Variants in MTHFD1L observed in about 807,000 individuals in gnomAD.
MTHFD1L encodes the protein methylenetetrahydrofolate dehydrogenase (NADP+ dependent) 1 like, also known as monofunctional C1-tetrahydrofolate synthase, mitochondrial.
MTHFD1L carries 81 observed loss-of-function variants against 119.5 expected under a neutral mutation model. That is an observed-to-expected ratio of 0.68 (90% CI 0.57 to 0.82). MTHFD1L has a LOEUF of 0.82. Among genes scored for constraint, MTHFD1L ranks in the 40% least tolerant of loss-of-function variants. The pLI is 0.00. For synonymous variants in MTHFD1L, 430 were observed against 475.2 expected (o/e 0.90, Z 1.24); for missense variants, 1,125 against 1,253.4 (o/e 0.90, Z 1.55).
intron 26 of MTHFD1L, chr6:151,055,873 A>G (rs892905562): frequency 1.1e-4 from 16 of 152,220 alleles, no homozygotes; most frequent in Non-Finnish European, 2.2e-4. Context: ...CAGTTACTGT[A>G]AGTAACTCTT....
rs559873909 is a variant in MTHFD1L at position 150,879,631 on chromosome 6, T to G, written c.417+1805T>G. On this transcript the variant is annotated intron_variant, in intron 4 of 27. Coordinates refer to ENST00000367321, the MANE Select transcript of MTHFD1L (RefSeq NM_015440.5). ...GGTTGTTTTGCCACTGGTGTTTTTT[T>G]TTTTTTTTTTTTTTCTGAGACGGAG... is the stretch of plus-strand genomic sequence containing the variant. Among the ~76,000 whole-genome samples the G allele has an allele frequency of 8.1e-5, 12 of 147,696 alleles. No individual in the cohort carries two copies. The East Asian group carries it at 2.0e-3, about 24-fold the overall frequency.
At chr6:151,009,247 T>C (rs905094054) in intron 20 of MTHFD1L, among the ~76,000 whole-genome samples, 1 of 151,200 alleles carries the variant, frequency 6.6e-6, no homozygotes, top group Non-Finnish European at 1.5e-5. Context: ...AAGAAAAGCT[T>C]CACTGGCTGG....
chr6:150,945,300 A>T (rs1239930920), intron 14 of MTHFD1L, among the ~76,000 whole-genome samples, 167 bp from the exon 15 acceptor site: 1 of 152,270 alleles, frequency 6.6e-6, no homozygotes, highest in African/African-American at 2.4e-5. Flanking sequence ...TATGAAAATG[A>T]CAGAATTTAA....
At chr6:150,939,115 C>T in intron 13 of MTHFD1L, 1 of 226,144 alleles carries the variant, frequency 4.4e-6, no homozygotes, top group Non-Finnish European at 9.0e-6. Context: ...CCCTGCTGGC[C>T]TTGCGGGTCT....
At chr6:150,883,499 T>C (rs1054087755) in intron 5 of MTHFD1L, among the ~76,000 whole-genome samples, 4 of 152,226 alleles carry the variant, frequency 2.6e-5, no homozygotes, top group African/African-American at 9.6e-5. Context: ...AATAGTTTTT[T>C]CCTTGGTAAT....
intron 20 of MTHFD1L, among the ~76,000 whole-genome samples, chr6:151,007,330 A>G (rs556436753): frequency 1.3e-4 from 20 of 152,192 alleles, no homozygotes; most frequent in Non-Finnish European, 2.8e-4. Context: ...GCTTCAGGGT[A>G]GTGACCCTAA....
rs11442424 is a variant in MTHFD1L at position 150,907,897 on chromosome 6, AT to A, written c.892+2152del. 4.8e-3 allele frequency among the ~76,000 whole-genome samples: 669 copies of A among 140,768 alleles called. 1 individual carries two copies. Among genetic ancestry groups the A allele is most frequent in the Non-Finnish European group, 5.1e-3 (332 of 64,780 alleles). The allele number at this position is 140,768 out of a possible 152,430, so 92.3% of individuals were successfully genotyped here. On this transcript the variant is annotated intron_variant, in intron 8 of 27. Coordinates refer to ENST00000367321, the MANE Select transcript of MTHFD1L (RefSeq NM_015440.5). ...TGACGCTTAGTAACCGCTCTGTGAA[AT>A]TTTTTTTTTTTTTTTGGAGACAGAG...
At chr6:150,906,413 G>C (rs1339344427) in intron 8 of MTHFD1L, among the ~76,000 whole-genome samples, 1 of 152,222 alleles carries the variant, frequency 6.6e-6, no homozygotes, top group African/African-American at 2.4e-5. Flanking sequence ...GCAGCCCCGG[G>C]TCCAGCAGGA....
chr6:150,935,314 C>T (rs61748005), intron 11 of MTHFD1L: 339,951 of 1,611,894 alleles, frequency 0.21, 37,552 homozygotes, highest in African/African-American at 0.26. Flanking sequence ...CTGAACTTCA[C>T]AAAATAACTA....
chr6:150,922,876 TCA>T (rs1361228928), intron 10 of MTHFD1L, among the ~76,000 whole-genome samples: 3 of 152,176 alleles, frequency 2.0e-5, no homozygotes, highest in Admixed American at 6.5e-5. Flanking sequence ...ACTCCTGACC[TCA>T]GGTGATCTGC....
chr6:151,059,098 C>G (rs1458786036), intron 26 of MTHFD1L, among the ~76,000 whole-genome samples: 1 of 152,222 alleles, frequency 6.6e-6, no homozygotes, highest in Non-Finnish European at 1.5e-5. Context: ...GCCCAAAGTC[C>G]TGCCCTGGCC....
intron 1 of MTHFD1L, among the ~76,000 whole-genome samples, chr6:150,867,545 CA>C (rs1206068824): frequency 1.3e-5 from 2 of 151,924 alleles, no homozygotes; most frequent in African/African-American, 4.8e-5. Flanking sequence ...GGATAGGCGG[CA>C]AAAAAACTTC....
intron 20 of MTHFD1L, among the ~76,000 whole-genome samples, chr6:150,972,668 G>C (rs916313457): frequency 1.6e-4 from 25 of 152,318 alleles, no homozygotes; most frequent in African/African-American, 6.0e-4. Flanking sequence ...GGAGCGTACT[G>C]TCTAATGGTA....
intron 9 of MTHFD1L, among the ~76,000 whole-genome samples, chr6:150,919,997 T>G (rs137879209): frequency 0.013 from 1,917 of 152,284 alleles, 24 homozygotes; most frequent in Middle Eastern, 0.024. Flanking sequence ...GCTGTGGGCA[T>G]GTGTATTTCA....
intron 17 of MTHFD1L, among the ~76,000 whole-genome samples, chr6:150,959,704 T>G (rs1796152398): frequency 6.6e-6 from 1 of 152,174 alleles, no homozygotes; most frequent in African/African-American, 2.4e-5. Flanking sequence ...GCCAGCATCT[T>G]TCACTGCCCC....
intron 20 of MTHFD1L, among the ~76,000 whole-genome samples, chr6:150,978,520 T>C (rs1351248417): frequency 6.6e-6 from 1 of 152,122 alleles, no homozygotes; most frequent in Non-Finnish European, 1.5e-5. Context: ...AAGTGCCCAA[T>C]TAAAACACAG....
chr6:151,015,882 T>A (rs376697456), intron 24 of MTHFD1L, among the ~76,000 whole-genome samples, 189 bp downstream of exon 24: 51 of 152,022 alleles, frequency 3.4e-4, no homozygotes, highest in African/African-American at 8.9e-4. Context: ...AGGTCAGGAG[T>A]TCGAGACCAG....
intron 20 of MTHFD1L, among the ~76,000 whole-genome samples, chr6:150,992,562 G>A (rs1369682405): frequency 6.6e-6 from 1 of 152,182 alleles, no homozygotes; most frequent in African/African-American, 2.4e-5. Flanking sequence ...TTCAGGGTGG[G>A]GAAGGAAATT....
intron 20 of MTHFD1L, among the ~76,000 whole-genome samples, chr6:150,982,228 T>C (rs1777609086): frequency 6.8e-6 from 1 of 146,152 alleles, no homozygotes; most frequent in African/African-American, 2.5e-5. Context: ...ATTTAACATG[T>C]AAAAAAAAAA....
Sources: gnomAD v4.1 joint callset for allele counts (sites outside exome capture counted in the v4.1 genomes callset) on GRCh38, gnomAD v4.1.1 for gene constraint, MANE v1.5 for transcripts, NCBI Gene and HGNC (gene_info 2026-07-23, HGNC 2026-07-21) for gene names.